Variants in CARM1 observed in about 807,000 individuals in gnomAD.
CARM1 encodes the protein coactivator associated arginine methyltransferase 1.
In CARM1, 14 loss-of-function variants were observed where a neutral mutation model predicts 72.7. The ratio of observed to expected loss-of-function variants is 0.19; its 90% CI spans 0.13 to 0.30. CARM1 has a LOEUF of 0.30. Among genes scored for constraint, CARM1 ranks in the 10% least tolerant of loss-of-function variants. The pLI is 1.00. For missense variants in CARM1, 432 were observed against 833.7 expected, an observed-to-expected ratio of 0.52 and a Z score of 5.93; for synonymous variants, 333 against 345.5, an observed-to-expected ratio of 0.96 and a Z score of 0.40.
chr19:10,916,814 C>T lies in CARM1; in HGVS notation c.1020+37C>T. ...CTCCAGGGTACTGCTGCAGTGATCA[C>T]TTGCCATTGCTGTGCAGCTGTGCAG... On this transcript the variant is annotated intron_variant, in intron 8 of 15. Coordinates refer to ENST00000327064, the MANE Select transcript of CARM1 (RefSeq NM_199141.2). The surrounding 1 kb of genome is among the most constrained non-coding windows in gnomAD (Gnocchi z 4.4). 7.0e-7 allele frequency: 1 copy of T among 1,433,470 alleles called. No homozygotes were observed. The highest frequency in any genetic ancestry group is 9.6e-7 in the Non-Finnish European group (1 of 1,042,264). The allele number at this position is 1,433,470 out of a possible 1,614,324, so 88.8% of individuals were successfully genotyped here. A position where few individuals can be genotyped will look rare whatever the true frequency, so the allele number is the denominator to read the frequency against.
chr19:10,874,369 TC>T (rs755032358), intron 1 of CARM1, among the ~76,000 whole-genome samples: 169 of 152,104 alleles, frequency 1.1e-3, no homozygotes, highest in Non-Finnish European at 2.0e-3. Context: ...TTGTTTTTTT[TC>T]TTTCTTTTTT....
chr19:10,890,331 G>C (rs1330727548), intron 1 of CARM1, among the ~76,000 whole-genome samples: 3 of 149,520 alleles, frequency 2.0e-5, no homozygotes, highest in Admixed American at 1.3e-4. Flanking sequence ...GCAGTGGCGC[G>C]ATCTTGGCTC....
chr19:10,884,557 C>CT (rs1386089531), intron 1 of CARM1, among the ~76,000 whole-genome samples: 1 of 152,008 alleles, frequency 6.6e-6, no homozygotes, highest in Non-Finnish European at 1.5e-5. Flanking sequence ...GTTGCCCCCC[C>CT]TCCCCCTGTG....
At chr19:10,889,005 G>GC (rs1261197513) in intron 1 of CARM1, among the ~76,000 whole-genome samples, 4 of 152,174 alleles carry the variant, frequency 2.6e-5, no homozygotes, top group Admixed American at 6.6e-5. Flanking sequence ...CCTACTGAGT[G>GC]CCCCCCAGGC....
chr19:10,877,189 T>G (rs1264586519), intron 1 of CARM1, among the ~76,000 whole-genome samples: 1 of 152,074 alleles, frequency 6.6e-6, no homozygotes, highest in Non-Finnish European at 1.5e-5. Flanking sequence ...GACATCTCGG[T>G]GTCAAGCTGG....
chr19:10,898,131 AC>A (rs1260620051), intron 1 of CARM1, among the ~76,000 whole-genome samples: 17 of 149,160 alleles, frequency 1.1e-4, no homozygotes, highest in Non-Finnish European at 1.8e-4. Context: ...AAAAAAAGAA[AC>A]CCTGTCTCTA....
chr19:10,897,799 T>C (rs1312427362), intron 1 of CARM1, among the ~76,000 whole-genome samples: 1 of 152,026 alleles, frequency 6.6e-6, no homozygotes, highest in Non-Finnish European at 1.5e-5. Context: ...ATCAGCCTGG[T>C]CAACGAGGTG....
chr19:10,881,147 C>T (rs1183322289), intron 1 of CARM1, among the ~76,000 whole-genome samples: 1 of 152,108 alleles, frequency 6.6e-6, no homozygotes, highest in Non-Finnish European at 1.5e-5. Flanking sequence ...TCCCGGGAAA[C>T]AGGGCAAGAC....
chr19:10,908,834 T>G, intron 3 of CARM1: 1 of 341,836 alleles, frequency 2.9e-6, no homozygotes. Flanking sequence ...CTGTGGCAAA[T>G]CTTGAGTTCT....
At chr19:10,903,351 G>A (rs1489191511) in intron 1 of CARM1, among the ~76,000 whole-genome samples, 1 of 152,144 alleles carries the variant, frequency 6.6e-6, no homozygotes, top group East Asian at 1.9e-4. Flanking sequence ...CAGGGTGATT[G>A]AGAACACTTT....
At chr19:10,872,332 G>A (rs2073825407) in intron 1 of CARM1, among the ~76,000 whole-genome samples, 2 of 152,014 alleles carry the variant, frequency 1.3e-5, no homozygotes, top group Non-Finnish European at 2.9e-5. Context: ...CGCCTCTGCA[G>A]GGAGGAGGGT....
At position 10,920,124 on chromosome 19, in the gene CARM1, GTGTGTGTGTGTGTGTGTGTA is replaced by G. The variant is rs1241688783; in HGVS notation, c.1196+172_1196+191del. 6.0e-3 allele frequency among the ~76,000 whole-genome samples: 12 copies of G among 1,990 alleles called. No homozygotes were observed. Among genetic ancestry groups the G allele is most frequent in the African/African-American group, 0.033 (2 of 60 alleles). 1.3% of individuals were successfully genotyped at this position (1,990 alleles called of 152,430 possible). On this transcript the variant is annotated intron_variant, in intron 10 of 15. Coordinates refer to ENST00000327064, the MANE Select transcript of CARM1 (RefSeq NM_199141.2). This position sits in a 1 kb window ranked among gnomAD's most constrained non-coding sequence, Gnocchi z 5.3. ...GGAGCAAGAGACTGTTGTGGGTGGGGTGTGTGTGTGTGTGTGTGTATGTGTGTGTGTGTCCTGTGTTCCCA... is the reference window on the plus strand; with the variant it reads ...GGAGCAAGAGACTGTTGTGGGTGGGGTGTGTGTGTGTGTCCTGTGTTCCCA...
At position 10,896,362 on chromosome 19, in the gene CARM1, G is replaced by A. The variant is rs1305373392; in HGVS notation, c.221-8589G>A. On this transcript the variant is annotated intron_variant, in intron 1 of 15. Coordinates refer to ENST00000327064, the MANE Select transcript of CARM1 (RefSeq NM_199141.2). The surrounding 1 kb of genome is among the most constrained non-coding windows in gnomAD (Gnocchi z 5.2). ...TTCTGCTGCCCTGGGGGGCCAATAA[G>A]GAGGGGATGTGCAGCATGCTGACTC... is the stretch of plus-strand genomic sequence containing the variant. Among the ~76,000 whole-genome samples the A allele has an allele frequency of 6.6e-5, 10 of 152,160 alleles. No homozygotes were observed. Among genetic ancestry groups the A allele is most frequent in the Admixed American group, 5.2e-4 (8 of 15,290 alleles).
chr19:10,898,315 A>G (rs1008707214), intron 1 of CARM1, among the ~76,000 whole-genome samples: 2 of 151,926 alleles, frequency 1.3e-5, no homozygotes, highest in African/African-American at 2.4e-5. Context: ...TCAAAAAAAA[A>G]AGATACCCCA....
At chr19:10,878,349 T>C (rs1599682853) in intron 1 of CARM1, among the ~76,000 whole-genome samples, 1 of 150,796 alleles carries the variant, frequency 6.6e-6, no homozygotes, top group Non-Finnish European at 1.5e-5. Context: ...CAGGCAGGAG[T>C]TGGGGTCTGT....
At chr19:10,919,817 T>A in intron 9 of CARM1, 60 bp from the exon 10 acceptor site, 1 of 1,516,938 alleles carries the variant, frequency 6.6e-7, no homozygotes, top group South Asian at 1.1e-5. Flanking sequence ...TGGCACCCCC[T>A]CTTCTCTCTC....
intron 5 of CARM1, 56 bp from the exon 6 acceptor site, chr19:10,913,821 G>T (rs919671015): frequency 1.3e-6 from 2 of 1,564,602 alleles, no homozygotes; most frequent in Non-Finnish European, 1.7e-6. Flanking sequence ...CAGGTCTAGG[G>T]AGGGCCCCAT....
chr19:10,876,568 T>C (rs2073866456), intron 1 of CARM1, among the ~76,000 whole-genome samples: 1 of 152,266 alleles, frequency 6.6e-6, no homozygotes, highest in Non-Finnish European at 1.5e-5. Context: ...GGATGACAGC[T>C]GCAGAAGGGC....
chr19:10,919,864 C>G lies in CARM1; in HGVS notation c.1107-13C>G. 1 of 1,609,490 alleles carries G rather than the reference C, an allele frequency of 6.2e-7. No individual in the cohort carries two copies. The highest frequency in any genetic ancestry group is 8.5e-7 in the Non-Finnish European group (1 of 1,175,720). ...TCTGGCTTCCCCAGCAGCCACTGCC[C>G]TTTGCCTTCCAGGATAGAAATCCCA... On this transcript the variant is annotated splice_polypyrimidine_tract_variant and intron_variant, in intron 9 of 15. Coordinates refer to ENST00000327064, the MANE Select transcript of CARM1 (RefSeq NM_199141.2).
Sources: allele counts gnomAD v4.1 joint callset (sites outside exome capture counted in the v4.1 genomes callset), GRCh38; gene constraint gnomAD v4.1.1; non-coding constraint Gnocchi (gnomAD v3.1); transcripts MANE v1.5; gene names NCBI Gene and HGNC (gene_info 2026-07-23, HGNC 2026-07-21).